Variants in CBFA2T2 observed in about 807,000 individuals in gnomAD.
CBFA2T2 encodes CBFA2/RUNX1 partner transcriptional co-repressor 2, also known as protein CBFA2T2.
Under a neutral mutation model 62.2 loss-of-function variants are expected in CBFA2T2, and 11 were observed. The ratio of observed to expected loss-of-function variants is 0.18; its 90% CI spans 0.11 to 0.29. CBFA2T2 has a LOEUF of 0.29. Ranked by LOEUF, CBFA2T2 falls within the 10% of genes least tolerant of loss-of-function variation. The probability of loss-of-function intolerance (pLI) is 1.00; values close to 1 mark genes in which losing one functional copy is unlikely to be tolerated. For synonymous variants in CBFA2T2, 295 were observed against 287.5 expected (o/e 1.03, Z -0.27); for missense variants, 592 against 774.1 (o/e 0.76, Z 2.79).
intron 1 of CBFA2T2, among the ~76,000 whole-genome samples, chr20:33,570,434 TC>T (rs1478254731): frequency 6.6e-6 from 1 of 152,244 alleles, no homozygotes; most frequent in Non-Finnish European, 1.5e-5. Flanking sequence ...AGAGTTTTTT[TC>T]AGAGCTTTTT....
At chr20:33,565,885 C>T (rs375165276) in intron 1 of CBFA2T2, among the ~76,000 whole-genome samples, 2 of 152,166 alleles carry the variant, frequency 1.3e-5, no homozygotes, top group African/African-American at 4.8e-5. Flanking sequence ...AGTGGCTTTG[C>T]GGGAACATCA....
intron 1 of CBFA2T2, among the ~76,000 whole-genome samples, chr20:33,532,566 CTG>C (rs1397749058): frequency 6.6e-6 from 1 of 152,228 alleles, no homozygotes; most frequent in Non-Finnish European, 1.5e-5. Flanking sequence ...TTCTGCTAAA[CTG>C]TGTGTCTCTT....
intron 1 of CBFA2T2, among the ~76,000 whole-genome samples, chr20:33,588,156 C>T (rs1408481003): frequency 2.0e-5 from 3 of 151,904 alleles, no homozygotes; most frequent in African/African-American, 7.3e-5. Flanking sequence ...ATAAGTACAC[C>T]CCTGTGAAGC....
At chr20:33,537,313 C>A (rs1037098342) in intron 1 of CBFA2T2, among the ~76,000 whole-genome samples, 8 of 152,258 alleles carry the variant, frequency 5.3e-5, no homozygotes, top group African/African-American at 1.7e-4. Flanking sequence ...AGCGAAACCC[C>A]GTCTCCACCA....
At chr20:33,623,417 A>G (rs1011056812) in intron 5 of CBFA2T2, 121 bp downstream of exon 5, 1 of 1,145,680 alleles carries the variant, frequency 8.7e-7, no homozygotes, top group Non-Finnish European at 1.3e-6. Context: ...TTTTGAGACA[A>G]GGCCTGGCTC....
chr20:33,520,286 G>A (rs1158650898), intron 1 of CBFA2T2, among the ~76,000 whole-genome samples: 2 of 152,172 alleles, frequency 1.3e-5, no homozygotes, highest in Non-Finnish European at 2.9e-5. Flanking sequence ...CGCTCACTGA[G>A]GTAGGGAGGA....
At position 33,558,677 on chromosome 20, in the gene CBFA2T2, GTC is replaced by G. The variant is rs1208685952; in HGVS notation, c.35-48274_35-48273del. ...TTAGGAGGCATATTAATTTCCAGGT[GTC>G]TCTCGTTTTATAATAGTGGCAATTG... is the stretch of plus-strand genomic sequence containing the variant. On this transcript the variant is annotated intron_variant, in intron 1 of 10. Coordinates refer to ENST00000342704, the MANE Select transcript of CBFA2T2 (RefSeq NM_001032999.3). Among the ~76,000 whole-genome samples, 3 of 151,914 alleles carry G rather than the reference GTC, an allele frequency of 2.0e-5. No homozygotes were observed. The East Asian group carries it at 5.8e-4, about 29-fold the overall frequency.
At chr20:33,628,198 ATT>A in intron 6 of CBFA2T2, 150 bp from the exon 7 acceptor site, 1 of 608,714 alleles carries the variant, frequency 1.6e-6, no homozygotes, top group Non-Finnish European at 2.9e-6. Context: ...TGTTGGTTAT[ATT>A]GTCATTTTGT....
At chr20:33,534,321 G>C (rs1291129776) in intron 1 of CBFA2T2, among the ~76,000 whole-genome samples, 1 of 144,434 alleles carries the variant, frequency 6.9e-6, no homozygotes, top group African/African-American at 2.9e-5. Flanking sequence ...TTGCTGTTGA[G>C]GTTTTTGTTT....
chr20:33,641,392 C>T (rs186719443), intron 10 of CBFA2T2, among the ~76,000 whole-genome samples: 120 of 152,222 alleles, frequency 7.9e-4, no homozygotes, highest in African/African-American at 2.6e-3. Flanking sequence ...CTATACAGGA[C>T]GCTTGAGTAC....
intron 10 of CBFA2T2, among the ~76,000 whole-genome samples, chr20:33,642,115 T>TG (rs1568875243): frequency 0.056 from 2,025 of 36,172 alleles, 17 homozygotes; most frequent in Non-Finnish European, 0.07. Context: ...CTTTTTTTTT[T>TG]TTGTGTGTGT....
chr20:33,641,275 G>A (rs887729427), intron 10 of CBFA2T2, among the ~76,000 whole-genome samples: 38 of 152,086 alleles, frequency 2.5e-4, no homozygotes, highest in African/African-American at 8.9e-4. Flanking sequence ...CAGCACCTAG[G>A]CTTTTTACAA....
intron 1 of CBFA2T2, among the ~76,000 whole-genome samples, chr20:33,548,279 T>C (rs2012636072): frequency 6.6e-6 from 1 of 151,868 alleles, no homozygotes; most frequent in Non-Finnish European, 1.5e-5. Context: ...TGGAGTCTAC[T>C]CTGTCGCCCA....
At chr20:33,599,581 A>G (rs1413770355) in intron 1 of CBFA2T2, among the ~76,000 whole-genome samples, 1 of 150,562 alleles carries the variant, frequency 6.6e-6, no homozygotes, top group Non-Finnish European at 1.5e-5. Context: ...ACTTTCTGGT[A>G]ATTTCCCTTT....
intron 1 of CBFA2T2, among the ~76,000 whole-genome samples, chr20:33,590,145 C>T (rs1202357035): frequency 1.3e-5 from 2 of 151,200 alleles, no homozygotes; most frequent in African/African-American, 2.4e-5. Context: ...ACTTGGGAGG[C>T]TGAGGTGGGA....
intron 5 of CBFA2T2, chr20:33,623,668 C>T (rs751126629): frequency 2.4e-4 from 153 of 640,584 alleles, no homozygotes; most frequent in Middle Eastern, 7.5e-4. Flanking sequence ...GAGATCTGCC[C>T]GCCTCAACCT....
chr20:33,497,862 T>G (rs1233708862), intron 1 of CBFA2T2, among the ~76,000 whole-genome samples: 1 of 152,036 alleles, frequency 6.6e-6, no homozygotes, highest in African/African-American at 2.4e-5. Flanking sequence ...TTTATTTTTT[T>G]TATAGAGACA....
At chr20:33,599,166 G>T (rs760358851) in intron 1 of CBFA2T2, among the ~76,000 whole-genome samples, 1 of 152,148 alleles carries the variant, frequency 6.6e-6, no homozygotes, top group Non-Finnish European at 1.5e-5. Flanking sequence ...GGAAGCTGAG[G>T]CAGGAGAATT....
chr20:33,584,111 C>T (rs1433949145), intron 1 of CBFA2T2, among the ~76,000 whole-genome samples: 6 of 151,906 alleles, frequency 3.9e-5, no homozygotes, highest in South Asian at 2.1e-4. Flanking sequence ...CTACACTCAG[C>T]TAACTTTTTG....
Sources: allele counts gnomAD v4.1 joint callset (sites outside exome capture counted in the v4.1 genomes callset), GRCh38; gene constraint gnomAD v4.1.1; transcripts MANE v1.5; gene names NCBI Gene and HGNC (gene_info 2026-07-23, HGNC 2026-07-21).